Variants in CUL1 observed in about 807,000 individuals in gnomAD.
CUL1 encodes cullin 1, also known as cullin-1.
CUL1 carries 24 observed loss-of-function variants against 118.0 expected under a neutral mutation model. The observed-to-expected ratio is 0.20, with a 90% CI of 0.15 to 0.29. The LOEUF (loss-of-function observed/expected upper bound fraction) is 0.29. CUL1 is among the 10% of genes least tolerant of loss of function. CUL1 has a pLI of 1.00. For missense variants in CUL1, 361 were observed against 933.8 expected (o/e 0.39, Z 7.99); for synonymous variants, 332 against 340.4 (o/e 0.98, Z 0.27).
At chr7:148,698,546 A>C (rs1234017271), upstream of CUL1, 2 of 151,880 alleles carry the variant, frequency 1.3e-5, no homozygotes, top group African/African-American at 2.4e-5. Context: ...CGCAGGTAGA[A>C]GCTTCCCCAC....
chr7:148,700,933 G>A (rs1797701698), intron 1 of CUL1, among the ~76,000 whole-genome samples: 1 of 152,114 alleles, frequency 6.6e-6, no homozygotes, highest in South Asian at 2.1e-4. Flanking sequence ...AGACACGCAT[G>A]CCTGAGCTGA....
chr7:148,748,633 G>A (rs1024092180), intron 2 of CUL1, among the ~76,000 whole-genome samples: 7 of 152,120 alleles, frequency 4.6e-5, no homozygotes, highest in African/African-American at 1.7e-4. Context: ...TAGAAGATCT[G>A]AAAAATAGAG....
At chr7:148,785,447 C>T (rs892828907) in intron 11 of CUL1, among the ~76,000 whole-genome samples, 3 of 151,946 alleles carry the variant, frequency 2.0e-5, no homozygotes, top group Non-Finnish European at 4.4e-5. Flanking sequence ...CAACCTCTGC[C>T]TCCTGAGTTT....
In CUL1 at chr7:148,767,360, G is replaced by A. The variant is rs537329205; in HGVS notation, c.953-259G>A. ...TTTTTTGCTTAGTCTTAAGTTAGTGGTTTCTCACAGTAAGGGGGAAAATAA... is the reference window on the plus strand; with the variant it reads ...TTTTTTGCTTAGTCTTAAGTTAGTGATTTCTCACAGTAAGGGGGAAAATAA... On this transcript the variant is annotated intron_variant, in intron 8 of 21. Coordinates refer to ENST00000325222, the MANE Select transcript of CUL1 (RefSeq NM_003592.3). Among the ~76,000 whole-genome samples, 5 of 151,644 alleles carry A rather than the reference G, an allele frequency of 3.3e-5. No homozygotes were observed. The South Asian group carries it at 1.0e-3, about 32-fold the overall frequency.
intron 2 of CUL1, 102 bp from the exon 3 acceptor site, chr7:148,753,874 A>T (rs1224825072): frequency 4.4e-5 from 37 of 832,422 alleles, no homozygotes; most frequent in Non-Finnish European, 6.7e-5. Flanking sequence ...GTTTTGGTTG[A>T]TATATTGGGA....
At chr7:148,724,840 G>GT (rs943288729) in intron 1 of CUL1, among the ~76,000 whole-genome samples, 3 of 152,116 alleles carry the variant, frequency 2.0e-5, no homozygotes, top group Non-Finnish European at 4.4e-5. Context: ...AGTATATTTT[G>GT]TTTTTTTGTT....
At chr7:148,752,718 A>G (rs898069770) in intron 2 of CUL1, among the ~76,000 whole-genome samples, 2 of 152,088 alleles carry the variant, frequency 1.3e-5, no homozygotes, top group Non-Finnish European at 2.9e-5. Context: ...GCATGATCTC[A>G]GCTCGCTGCA....
chr7:148,736,039 T>C (rs886704152), intron 2 of CUL1, among the ~76,000 whole-genome samples: 5 of 144,356 alleles, frequency 3.5e-5, no homozygotes, highest in Non-Finnish European at 7.5e-5. Context: ...CCAGGTGTGG[T>C]AGTGCATGCC....
chr7:148,730,809 G>A (rs933768888), intron 2 of CUL1, among the ~76,000 whole-genome samples: 6 of 151,994 alleles, frequency 3.9e-5, no homozygotes, highest in Admixed American at 3.9e-4. Flanking sequence ...TCCTGTTATG[G>A]CCCTATTTTT....
At chr7:148,760,181 C>T (rs1363671293) in intron 6 of CUL1, 152 bp from the exon 7 acceptor site, 2 of 518,698 alleles carry the variant, frequency 3.9e-6, no homozygotes, top group Non-Finnish European at 6.4e-6. Flanking sequence ...AAAGAGTGTA[C>T]TTTAATACTA....
chr7:148,720,001 A>G (rs1798350549), intron 1 of CUL1, among the ~76,000 whole-genome samples: 1 of 152,224 alleles, frequency 6.6e-6, no homozygotes, highest in Admixed American at 6.5e-5. Context: ...ACATGCAGAG[A>G]ATATACTTAC....
At chr7:148,798,721 C>T (rs1801290017) in intron 20 of CUL1, 44 bp downstream of exon 20, 1 of 1,512,572 alleles carries the variant, frequency 6.6e-7, no homozygotes, top group Non-Finnish European at 9.2e-7. Flanking sequence ...GTCCCTCACG[C>T]AGGGATGGCT....
intron 7 of CUL1, among the ~76,000 whole-genome samples, chr7:148,761,474 G>T (rs969683366): frequency 6.6e-6 from 1 of 152,210 alleles, no homozygotes; most frequent in Non-Finnish European, 1.5e-5. Flanking sequence ...TTGTGCCACT[G>T]CCCTCCAGCC....
At chr7:148,794,804 C>A (rs1801130972) in intron 17 of CUL1, among the ~76,000 whole-genome samples, 2 of 152,096 alleles carry the variant, frequency 1.3e-5, no homozygotes, top group Admixed American at 1.3e-4. Flanking sequence ...CTAGTTTATT[C>A]TTTTTGATGC....
intron 1 of CUL1, among the ~76,000 whole-genome samples, chr7:148,705,502 C>T (rs1019837373): frequency 2.0e-5 from 3 of 152,158 alleles, no homozygotes; most frequent in Admixed American, 1.3e-4. Flanking sequence ...TGCACAGAAA[C>T]GTGTCACCTA....
chr7:148,786,725 G>C, intron 12 of CUL1, 126 bp downstream of exon 12: 1 of 893,296 alleles, frequency 1.1e-6, no homozygotes, highest in Non-Finnish European at 1.7e-6. Flanking sequence ...TGAATCTCTG[G>C]TTTTACTTCC....
At chr7:148,750,658 C>G (rs10255402) in intron 2 of CUL1, among the ~76,000 whole-genome samples, 1 of 151,892 alleles carries the variant, frequency 6.6e-6, no homozygotes, top group Non-Finnish European at 1.5e-5. Context: ...GCATAGTATT[C>G]CATGCCACCT....
chr7:148,710,180 G>A (rs1295754225), intron 1 of CUL1, among the ~76,000 whole-genome samples: 1 of 152,110 alleles, frequency 6.6e-6, no homozygotes, highest in African/African-American at 2.4e-5. Context: ...CCACTCTTAG[G>A]GTGACAAATA....
intron 1 of CUL1, among the ~76,000 whole-genome samples, chr7:148,709,582 A>C (rs80344551): frequency 0.025 from 3,755 of 152,310 alleles, 149 homozygotes; most frequent in African/African-American, 0.086. Flanking sequence ...AAGCTACTTG[A>C]AGTATAAGCT....
Sources: gnomAD v4.1 joint callset for allele counts (sites outside exome capture counted in the v4.1 genomes callset) on GRCh38, gnomAD v4.1.1 for gene constraint, MANE v1.5 for transcripts, NCBI Gene and HGNC (gene_info 2026-07-23, HGNC 2026-07-21) for gene names.